Variants in PCP4L1 observed in about 807,000 individuals in gnomAD.
PCP4L1 encodes Purkinje cell protein 4 like 1.
A neutral mutation model predicts 9.6 loss-of-function variants in PCP4L1; 9 were observed. The observed-to-expected ratio is 0.94, with a 90% CI of 0.57 to 1.64. PCP4L1 has a LOEUF of 1.64. PCP4L1 is among the 40% of genes most tolerant of loss of function. The pLI is 0.00. For missense variants in PCP4L1, 81 were observed against 80.8 expected, an observed-to-expected ratio of 1.00 and a Z score of -0.01; for synonymous variants, 31 against 28.2, an observed-to-expected ratio of 1.10 and a Z score of -0.31.
chr1:161,283,156 C>T (rs897866790), intron 1 of PCP4L1, among the ~76,000 whole-genome samples: 3 of 152,160 alleles, frequency 2.0e-5, no homozygotes, highest in Non-Finnish European at 2.9e-5. Flanking sequence ...GTCTGCTATT[C>T]CTCAGACAGG....
chr1:161,284,270 T>C, intron 2 of PCP4L1, 69 bp from the exon 3 acceptor site: 1 of 1,607,564 alleles, frequency 6.2e-7, no homozygotes, highest in Non-Finnish European at 8.5e-7. Context: ...CCCACTGTAT[T>C]GGGGGCCTGG....
At chr1:161,283,585 G>A in intron 1 of PCP4L1, 83 bp from the exon 2 acceptor site, 2 of 1,277,964 alleles carry the variant, frequency 1.6e-6, no homozygotes, top group East Asian at 2.5e-5. Context: ...GGGTTTGAGA[G>A]TATATAAGAG....
intron 1 of PCP4L1, among the ~76,000 whole-genome samples, chr1:161,259,687 G>C (rs920599782): frequency 6.6e-6 from 1 of 152,206 alleles, no homozygotes; most frequent in Non-Finnish European, 1.5e-5. Context: ...GTGGGGGAGT[G>C]GGGGGTCAAA....
intron 1 of PCP4L1, among the ~76,000 whole-genome samples, chr1:161,261,309 G>T (rs1000842347): frequency 6.6e-6 from 1 of 152,226 alleles, no homozygotes; most frequent in Non-Finnish European, 1.5e-5. Flanking sequence ...AACCAACAGT[G>T]CAGGGGTTCT....
At chr1:161,261,046 G>T (rs1455336735) in intron 1 of PCP4L1, among the ~76,000 whole-genome samples, 1 of 152,224 alleles carries the variant, frequency 6.6e-6, no homozygotes, top group Non-Finnish European at 1.5e-5. Flanking sequence ...TGGAAGTGTT[G>T]CCCAGAGCTC....
At chr1:161,275,403 C>G (rs1235427406) in intron 1 of PCP4L1, among the ~76,000 whole-genome samples, 3 of 151,420 alleles carry the variant, frequency 2.0e-5, no homozygotes, top group African/African-American at 7.3e-5. Context: ...GTAGTCCCAG[C>G]TACTCGGGAG....
intron 1 of PCP4L1, among the ~76,000 whole-genome samples, chr1:161,269,873 G>C (rs1361153241): frequency 6.6e-6 from 1 of 152,008 alleles, no homozygotes; most frequent in Non-Finnish European, 1.5e-5. Flanking sequence ...GTGGTGTGTG[G>C]CTGTGGTCCC....
chr1:161,266,666 A>G (rs6427580), intron 1 of PCP4L1, among the ~76,000 whole-genome samples: 64,520 of 151,952 alleles, frequency 0.42, 13,833 homozygotes, highest in Admixed American at 0.5. Flanking sequence ...CTCAGGATGC[A>G]TCTGAGATAT....
At position 161,284,421 on chromosome 1, in the gene PCP4L1, C is replaced by T; in HGVS notation, c.147C>T (p.Ala49=). Reference sequence around the variant, plus strand: ...CAGCACCAGAAACAGAGAAGGCTGCCCTTGCTATTCAGGGCAAGTTCCGGC... The same window carrying T: ...CAGCACCAGAAACAGAGAAGGCTGCTCTTGCTATTCAGGGCAAGTTCCGGC... The part of the protein sequence containing the change: ...DLTAPETEKA[A]LAIQGKFRRF... The change falls in exon 3 of 3, where the codon GCC becomes GCT. Residue 49 remains alanine (A), a synonymous_variant. Transcript: ENST00000504449. The T allele has an allele frequency of 1.9e-6, 3 of 1,613,908 alleles. No individual in the cohort carries two copies. Among genetic ancestry groups the T allele is most frequent in the Non-Finnish European group, 2.5e-6 (3 of 1,179,880 alleles).
chr1:161,283,956 G>T (rs907712503), intron 2 of PCP4L1, among the ~76,000 whole-genome samples: 2 of 152,194 alleles, frequency 1.3e-5, no homozygotes, highest in Non-Finnish European at 2.9e-5. Flanking sequence ...GGTCTGGAGT[G>T]TTGGGGGGAG....
At chr1:161,261,745 T>C (rs1332546183) in intron 1 of PCP4L1, among the ~76,000 whole-genome samples, 3 of 152,200 alleles carry the variant, frequency 2.0e-5, no homozygotes, top group Non-Finnish European at 2.9e-5. Flanking sequence ...TCATGGACCA[T>C]TGGTGACAGT....
At chr1:161,267,325 A>T (rs1380999672) in intron 1 of PCP4L1, among the ~76,000 whole-genome samples, 1 of 152,224 alleles carries the variant, frequency 6.6e-6, no homozygotes, top group Non-Finnish European at 1.5e-5. Flanking sequence ...TCATGCAAAT[A>T]CAGGTATAGG....
At chr1:161,261,419 T>TGC (rs1366898281) in intron 1 of PCP4L1, among the ~76,000 whole-genome samples, 6 of 152,208 alleles carry the variant, frequency 3.9e-5, no homozygotes, top group African/African-American at 9.7e-5. Flanking sequence ...AGTGTGTGTG[T>TGC]GCGTTCGTGC....
chr1:161,263,066 T>C (rs1414549777), intron 1 of PCP4L1, among the ~76,000 whole-genome samples: 1 of 152,188 alleles, frequency 6.6e-6, no homozygotes, highest in African/African-American at 2.4e-5. Context: ...TCTGGTCCAA[T>C]ATTCTCATTT....
intron 1 of PCP4L1, among the ~76,000 whole-genome samples, chr1:161,281,923 G>A (rs1278460327): frequency 6.6e-6 from 1 of 151,240 alleles, no homozygotes; most frequent in Admixed American, 6.6e-5. Context: ...GGGAAGAGGC[G>A]CTCCTCACAT....
At position 161,284,472 on chromosome 1, in the gene PCP4L1, C is replaced by T. The variant is rs1271349669; in HGVS notation, c.198C>T (p.Pro66=). 45 of 1,612,990 alleles carry T rather than the reference C, an allele frequency of 2.8e-5. No individual in the cohort carries two copies. Among genetic ancestry groups the T allele is most frequent in the Non-Finnish European group, 3.7e-5 (44 of 1,179,520 alleles). ...FRRFQKRKKD[P]SS The stretch of plus-strand genomic sequence containing the variant: ...GATTTCAGAAAAGGAAAAAGGATCC[C>T]AGCTCCTGAATGGCCAGGCTTGCCC... The change falls in exon 3 of 3, where the codon CCC becomes CCT. Residue 66 remains proline (P), a synonymous_variant. Transcript: ENST00000504449.
chr1:161,284,675 C>T lies in PCP4L1; in HGVS notation c.*194C>T. On this transcript the variant is annotated 3_prime_UTR_variant, in exon 3 of 3. Coordinates refer to ENST00000504449, the MANE Select transcript of PCP4L1 (RefSeq NM_001102566.2). The stretch of plus-strand genomic sequence containing the variant: ...AGAGAGGTGGAGAAGATGAAGACTT[C>T]AATCAGCAGTCACTAGTCTAAGGGT... 2.8e-6 allele frequency: 2 copies of T among 704,576 alleles called. No individual in the cohort carries two copies. The highest frequency in any genetic ancestry group is 5.9e-5 in the Admixed American group (2 of 34,012). The allele number at this position is 704,576 out of a possible 1,614,324, so 43.6% of individuals were successfully genotyped here.
At chr1:161,283,287 A>C (rs899390402) in intron 1 of PCP4L1, among the ~76,000 whole-genome samples, 25 of 151,894 alleles carry the variant, frequency 1.6e-4, no homozygotes, top group African/African-American at 5.8e-4. Context: ...GTTCCTGACT[A>C]CTCTATGTAA....
Position 161,258,897 on chromosome 1 carries a change from C to T in PCP4L1, c.-78C>T. The T allele has an allele frequency of 2.0e-6, 3 of 1,532,774 alleles. No individual in the cohort carries two copies. The highest frequency in any genetic ancestry group is 2.6e-6 in the Non-Finnish European group (3 of 1,144,218). 94.9% of individuals were successfully genotyped at this position (1,532,774 alleles called of 1,614,324 possible). A position where few individuals can be genotyped will look rare whatever the true frequency, so the allele number is the denominator to read the frequency against. On this transcript the variant is annotated 5_prime_UTR_variant, in exon 1 of 3. Coordinates refer to ENST00000504449, the MANE Select transcript of PCP4L1 (RefSeq NM_001102566.2). ...TGCCGCAGAGCCCGGCAACTTTCAG[C>T]TGTCGCCCGCGGAGCCCCGAGGGCC...
Sources: allele counts gnomAD v4.1 joint callset (sites outside exome capture counted in the v4.1 genomes callset), GRCh38; gene constraint gnomAD v4.1.1; transcripts MANE v1.5; gene names NCBI Gene and HGNC (gene_info 2026-07-23, HGNC 2026-07-21).